CERK: variants seen among roughly 807,000 people sequenced by gnomAD.
CERK encodes the protein ceramide kinase, also known as acylsphingosine kinase.
A neutral mutation model predicts 63.4 loss-of-function variants in CERK; 39 were observed. That is an observed-to-expected ratio of 0.61 (90% CI 0.48 to 0.80). The LOEUF (loss-of-function observed/expected upper bound fraction) is 0.80, where lower values mean the gene tolerates loss of function less well. CERK is among the 30% of genes least tolerant of loss of function. The probability of loss-of-function intolerance (pLI) is 0.00; values close to 1 mark genes in which losing one functional copy is unlikely to be tolerated. For synonymous variants in CERK, 302 were observed against 280.0 expected (o/e 1.08, Z -0.78); for missense variants, 670 against 714.1 (o/e 0.94, Z 0.70).
At chr22:46,736,036 G>A (rs1478260429) in intron 1 of CERK, among the ~76,000 whole-genome samples, 2 of 152,154 alleles carry the variant, frequency 1.3e-5, no homozygotes, top group Admixed American at 6.5e-5. Context: ...CCACCAGCCA[G>A]GGCCCCACCA....
At chr22:46,694,112 T>G (rs1433601935) in intron 9 of CERK, among the ~76,000 whole-genome samples, 1 of 152,164 alleles carries the variant, frequency 6.6e-6, no homozygotes, top group Non-Finnish European at 1.5e-5. Flanking sequence ...TCTCCAATTC[T>G]TCACTTAAAA....
intron 11 of CERK, among the ~76,000 whole-genome samples, chr22:46,691,052 T>TACACACACACACACAC (rs753033175): frequency 3.1e-4 from 24 of 78,514 alleles, no homozygotes; most frequent in African/African-American, 4.6e-4. Context: ...CATGTATACA[T>TACACACACACACACAC]ACATACACAC....
Position 46,690,046 on chromosome 22 carries a change from T to C in CERK, c.1487A>G (p.Asn496Ser), listed in dbSNP as rs1348000590. The C allele has an allele frequency of 5.0e-6, 8 of 1,613,150 alleles. No individual in the cohort carries two copies. The Admixed American group carries it at 8.3e-5, about 17-fold the overall frequency. ...SHPSCCCTVS[N>S]SSWNCDGEVL... ...CTCCCCGTCGCAGTTCCAGGAGCTG[T>C]TGGAGACGGTGCAGCAGCAGGAGGG... Residue 496 changes from asparagine to serine, a missense_variant, in exon 12 of 13, where the codon AAC becomes AGC. Transcript: ENST00000216264.
chr22:46,687,484 C>A (rs545337802), intron 12 of CERK, among the ~76,000 whole-genome samples: 1 of 152,210 alleles, frequency 6.6e-6, no homozygotes, highest in South Asian at 2.1e-4. Flanking sequence ...AAGGGGTTGC[C>A]AATGGCCAGG....
chr22:46,730,500 T>A (rs1171132305), intron 1 of CERK, among the ~76,000 whole-genome samples: 6 of 152,108 alleles, frequency 3.9e-5, no homozygotes, highest in Non-Finnish European at 8.8e-5. Context: ...AAGTACAGTA[T>A]CTGAAATTTA....
chr22:46,692,904 CAAAAAAAAAAAA>C (rs34255348), intron 10 of CERK, among the ~76,000 whole-genome samples: 1 of 92,990 alleles, frequency 1.1e-5, no homozygotes, highest in Non-Finnish European at 2.2e-5. Context: ...AAACTCCATC[CAAAAAAAAAAAA>C]AAAAAAAAGA....
chr22:46,690,284 G>T, intron 11 of CERK, 84 bp from the exon 12 acceptor site: 1 of 1,101,380 alleles, frequency 9.1e-7, no homozygotes, highest in Non-Finnish European at 1.3e-6. Flanking sequence ...GCCTGACAGC[G>T]AGCGCTGTCA....
chr22:46,697,796 C>A (rs1171962334), intron 8 of CERK, among the ~76,000 whole-genome samples: 2 of 152,226 alleles, frequency 1.3e-5, no homozygotes, highest in Non-Finnish European at 2.9e-5. Context: ...TGAGCCACTG[C>A]CCCTGGCCAA....
At chr22:46,696,926 G>T (rs2082759453) in intron 8 of CERK, among the ~76,000 whole-genome samples, 1 of 152,228 alleles carries the variant, frequency 6.6e-6, no homozygotes, top group Non-Finnish European at 1.5e-5. Context: ...GGGCATTCTA[G>T]GCAGAGCCAC....
intron 6 of CERK, among the ~76,000 whole-genome samples, chr22:46,702,595 A>G (rs2082792731): frequency 6.6e-6 from 1 of 152,126 alleles, no homozygotes; most frequent in Non-Finnish European, 1.5e-5. Context: ...GGCCCTCGTA[A>G]ACTTCTGAAA....
At chr22:46,701,084 C>T (rs758213214) in intron 7 of CERK, among the ~76,000 whole-genome samples, 1 of 152,200 alleles carries the variant, frequency 6.6e-6, no homozygotes, top group Non-Finnish European at 1.5e-5. Context: ...GCACGGTAAC[C>T]CTGTCTACTG....
rs2082702485 is a variant in CERK at position 46,686,544 on chromosome 22, C to A, written c.*590G>T. 1 of 153,356 alleles carries A rather than the reference C, an allele frequency of 6.5e-6. No individual in the cohort carries two copies. Among genetic ancestry groups the A allele is most frequent in the Non-Finnish European group, 1.5e-5 (1 of 68,796 alleles). The allele number at this position is 153,356 out of a possible 1,614,324, so 9.5% of individuals were successfully genotyped here. A position where few individuals can be genotyped will look rare whatever the true frequency, so the allele number is the denominator to read the frequency against. On this transcript the variant is annotated 3_prime_UTR_variant, in exon 13 of 13. Transcript: ENST00000216264. ...AGGTGTGGAGGCCCCAGCAGCCTTC[C>A]CGGCGCTGGCGTGGAGGCCCCTCCC...
intron 2 of CERK, 79 bp from the exon 3 acceptor site, chr22:46,720,287 G>T: frequency 6.6e-7 from 1 of 1,526,716 alleles, no homozygotes; most frequent in Non-Finnish European, 8.8e-7. Context: ...TGCACCAAAT[G>T]CAGCTAATTA....
At chr22:46,724,807 C>T (rs1422708604) in intron 1 of CERK, among the ~76,000 whole-genome samples, 2 of 152,172 alleles carry the variant, frequency 1.3e-5, no homozygotes, top group Non-Finnish European at 2.9e-5. Context: ...ATCACGAGGT[C>T]AGGAGATCGA....
intron 10 of CERK, among the ~76,000 whole-genome samples, chr22:46,692,350 C>T (rs1017805764): frequency 6.7e-5 from 10 of 150,120 alleles, no homozygotes; most frequent in Admixed American, 4.0e-4. Flanking sequence ...TGCTTGAACC[C>T]GGAAGGCAGA....
chr22:46,710,544 G>A (rs888707297), intron 5 of CERK, among the ~76,000 whole-genome samples: 1 of 152,120 alleles, frequency 6.6e-6, no homozygotes, highest in Non-Finnish European at 1.5e-5. Context: ...TCATTTCTAG[G>A]AATTTACCTT....
intron 1 of CERK, among the ~76,000 whole-genome samples, chr22:46,731,509 T>C (rs1488367251): frequency 6.6e-6 from 1 of 152,220 alleles, no homozygotes; most frequent in Non-Finnish European, 1.5e-5. Flanking sequence ...GCTGGAGCAG[T>C]GCCAGAGAAA....
intron 1 of CERK, among the ~76,000 whole-genome samples, chr22:46,725,540 C>T (rs1166530169): frequency 6.6e-6 from 1 of 152,210 alleles, no homozygotes; most frequent in Non-Finnish European, 1.5e-5. Context: ...CACACCTGAC[C>T]CAGGTGGACA....
chr22:46,733,628 A>G (rs2146598320), intron 1 of CERK, among the ~76,000 whole-genome samples: 1 of 152,162 alleles, frequency 6.6e-6, no homozygotes, highest in Non-Finnish European at 1.5e-5. Flanking sequence ...ATATCTTACA[A>G]AAGAAATTTT....
Sources: gnomAD v4.1 joint callset for allele counts (sites outside exome capture counted in the v4.1 genomes callset) on GRCh38, gnomAD v4.1.1 for gene constraint, MANE v1.5 for transcripts, NCBI Gene and HGNC (gene_info 2026-07-23, HGNC 2026-07-21) for gene names.